The following SPECC1L variants were observed in gnomAD, a reference collection of about 807,000 sequenced individuals.
SPECC1L encodes cytospin-A.
Under a neutral mutation model 116.8 loss-of-function variants are expected in SPECC1L, and 40 were observed. That is an observed-to-expected ratio of 0.34 (90% CI 0.27 to 0.45). SPECC1L has a LOEUF of 0.45. Ranked by LOEUF, SPECC1L falls within the 20% of genes least tolerant of loss-of-function variation. The pLI is 1.00. For missense variants in SPECC1L, 1,110 were observed against 1,373.6 expected (o/e 0.81, Z 3.03); for synonymous variants, 504 against 500.6 (o/e 1.01, Z -0.09).
At chr22:24,405,832 C>G (rs1601361085) in intron 14 of SPECC1L, among the ~76,000 whole-genome samples, 1 of 119,788 alleles carries the variant, frequency 8.3e-6, no homozygotes, top group South Asian at 2.6e-4. Context: ...GAGCGAGACT[C>G]TGCCTCAAAA....
At chr22:24,342,395 G>A (rs973375323) in intron 10 of SPECC1L, among the ~76,000 whole-genome samples, 3 of 152,200 alleles carry the variant, frequency 2.0e-5, no homozygotes, top group Non-Finnish European at 4.4e-5. Flanking sequence ...AGGAGGCCAG[G>A]TATGGTGACT....
chr22:24,411,511 C>T lies in SPECC1L; in HGVS notation c.3088-77C>T, dbSNP rs190275698. The stretch of plus-strand genomic sequence containing the variant: ...TTTGGAGGCCATGCAGCATCTGAGG[C>T]CTCCTGCGTCCTCCTTGGCATCTCC... On this transcript the variant is annotated intron_variant, in intron 14 of 16. Transcript: ENST00000314328. 19 of 1,304,474 alleles carry T rather than the reference C, an allele frequency of 1.5e-5. No homozygotes were observed. In the African/African-American group the frequency reaches 2.5e-4, roughly 17 times the overall value. The allele number at this position is 1,304,474 out of a possible 1,614,324, so 80.8% of individuals were successfully genotyped here.
At chr22:24,303,310 G>T (rs1202864282) in intron 3 of SPECC1L, among the ~76,000 whole-genome samples, 1 of 152,190 alleles carries the variant, frequency 6.6e-6, no homozygotes, top group East Asian at 1.9e-4. Context: ...GCTCGGAGAT[G>T]CACACAGATT....
At chr22:24,286,999 A>G (rs1319033977) in intron 2 of SPECC1L, among the ~76,000 whole-genome samples, 2 of 152,230 alleles carry the variant, frequency 1.3e-5, no homozygotes, top group African/African-American at 2.4e-5. Flanking sequence ...TGTTGTCTGG[A>G]TAAAAGACAC....
At chr22:24,364,977 C>T (rs1221310164) in intron 12 of SPECC1L, among the ~76,000 whole-genome samples, 3 of 152,094 alleles carry the variant, frequency 2.0e-5, no homozygotes, top group Non-Finnish European at 4.4e-5. Context: ...GTGCATATTT[C>T]AACTATGCCT....
intron 14 of SPECC1L, among the ~76,000 whole-genome samples, chr22:24,371,585 A>G (rs777783927): frequency 4.9e-4 from 75 of 152,258 alleles, no homozygotes; most frequent in Non-Finnish European, 9.6e-4. Context: ...CACACACTCT[A>G]AATAACCAGT....
chr22:24,396,568 A>C (rs767369956), intron 14 of SPECC1L, among the ~76,000 whole-genome samples: 17 of 152,112 alleles, frequency 1.1e-4, no homozygotes, highest in Admixed American at 2.0e-4. Context: ...AAAGTGCTGG[A>C]ATTACAGGTG....
chr22:24,403,794 T>C (rs2042528355), intron 14 of SPECC1L, among the ~76,000 whole-genome samples: 1 of 152,252 alleles, frequency 6.6e-6, no homozygotes, highest in Non-Finnish European at 1.5e-5. Flanking sequence ...GTAACACTAT[T>C]ATGGCTCATC....
intron 10 of SPECC1L, among the ~76,000 whole-genome samples, chr22:24,345,100 A>G (rs1384017866): frequency 6.6e-6 from 1 of 152,150 alleles, no homozygotes; most frequent in Non-Finnish European, 1.5e-5. Context: ...CGGGTGGAGG[A>G]CAAATTTGGA....
At chr22:24,300,961 T>G (rs1336887986) in intron 2 of SPECC1L, among the ~76,000 whole-genome samples, 1 of 152,042 alleles carries the variant, frequency 6.6e-6, no homozygotes, top group Non-Finnish European at 1.5e-5. Flanking sequence ...TATAAAAAAT[T>G]AACTCAAGCT....
intron 14 of SPECC1L, among the ~76,000 whole-genome samples, chr22:24,379,322 G>A (rs2042021188): frequency 6.6e-6 from 1 of 151,684 alleles, no homozygotes; most frequent in African/African-American, 2.4e-5. Flanking sequence ...TGAGGCTGCT[G>A]TGAGCCATTA....
At chr22:24,297,177 C>T (rs2049283467) in intron 2 of SPECC1L, among the ~76,000 whole-genome samples, 1 of 150,758 alleles carries the variant, frequency 6.6e-6, no homozygotes, top group Non-Finnish European at 1.5e-5. Flanking sequence ...CTCAGGGGAT[C>T]CATCCACGGC....
chr22:24,400,883 G>T (rs2042460443), intron 14 of SPECC1L, among the ~76,000 whole-genome samples: 1 of 152,140 alleles, frequency 6.6e-6, no homozygotes, highest in Admixed American at 6.5e-5. Context: ...TACGTCCTTT[G>T]CTCATTTTTA....
rs549797918 is a variant in SPECC1L at position 24,306,347 on chromosome 22, A to G, written c.153+3963A>G. ...TTGTGGAAAAATACATACAACATTC[A>G]TCACTTTGGCCTTTTAATTTTTAAT... On this transcript the variant is annotated intron_variant, in intron 3 of 16. Coordinates refer to ENST00000314328, the MANE Select transcript of SPECC1L (RefSeq NM_015330.6). Among the ~76,000 whole-genome samples, 4 of 147,670 alleles carry G rather than the reference A, an allele frequency of 2.7e-5. No individual in the cohort carries two copies. In the South Asian group the frequency reaches 7.3e-4, roughly 27 times the overall value.
intron 8 of SPECC1L, among the ~76,000 whole-genome samples, chr22:24,332,964 C>T (rs1375985346): frequency 6.6e-6 from 1 of 152,130 alleles, no homozygotes; most frequent in Non-Finnish European, 1.5e-5. Context: ...CGCAGTGGCT[C>T]ATGCCTGTGG....
At chr22:24,397,293 A>G (rs1423069483) in intron 14 of SPECC1L, among the ~76,000 whole-genome samples, 2 of 152,194 alleles carry the variant, frequency 1.3e-5, no homozygotes, top group Non-Finnish European at 1.5e-5. Context: ...AGCACACTAT[A>G]TTGAGCATCT....
At chr22:24,396,588 C>T (rs1372102786) in intron 14 of SPECC1L, among the ~76,000 whole-genome samples, 1 of 152,100 alleles carries the variant, frequency 6.6e-6, no homozygotes, top group Non-Finnish European at 1.5e-5. Context: ...GTGCCACCAC[C>T]CCCAGCCTCA....
rs201387851 is a variant in SPECC1L, at chr22:24,347,194, T to C, written c.2743+18T>C. The C allele has an allele frequency of 1.9e-6, 3 of 1,585,342 alleles. No homozygotes were observed. The highest frequency in any genetic ancestry group is 2.6e-6 in the Non-Finnish European group (3 of 1,153,848). ...TGTTCAAGGTACGTGTAATATGCCA[T>C]AGCATTTCACCTTTTTTTCAATTTT... On this transcript the variant is annotated intron_variant, in intron 11 of 16. Coordinates refer to ENST00000314328, the MANE Select transcript of SPECC1L (RefSeq NM_015330.6).
At chr22:24,351,831 G>A (rs2041430864) in intron 11 of SPECC1L, among the ~76,000 whole-genome samples, 1 of 152,150 alleles carries the variant, frequency 6.6e-6, no homozygotes, top group Non-Finnish European at 1.5e-5. Flanking sequence ...AAAATACAGT[G>A]TGTAATTTTC....
Sources: allele counts gnomAD v4.1 joint callset (sites outside exome capture counted in the v4.1 genomes callset), GRCh38; gene constraint gnomAD v4.1.1; transcripts MANE v1.5; gene names NCBI Gene and HGNC (gene_info 2026-07-23, HGNC 2026-07-21).